Variants in TENM4 observed in about 807,000 individuals in gnomAD.
The protein encoded by TENM4 is teneurin-4.
Under a neutral mutation model 243.3 loss-of-function variants are expected in TENM4, and 82 were observed. That is an observed-to-expected ratio of 0.34 (90% CI 0.28 to 0.40). The LOEUF (loss-of-function observed/expected upper bound fraction) is 0.40, where lower values mean the gene tolerates loss of function less well. Ranked by LOEUF, TENM4 falls within the 10% of genes least tolerant of loss-of-function variation. The probability of loss-of-function intolerance (pLI) is 1.00; values close to 1 mark genes in which losing one functional copy is unlikely to be tolerated. For synonymous variants in TENM4, 1,412 were observed against 1,456.3 expected (o/e 0.97, Z 0.69); for missense variants, 3,138 against 3,673.3 (o/e 0.85, Z 3.77).
rs1441321176 is a variant in TENM4, at chr11:78,722,910, C to A, written c.3558G>T (p.Leu1186=). Residue 1186 remains leucine (L), a synonymous_variant, in exon 24 of 34, where the codon CTG becomes CTT. Coordinates refer to ENST00000278550, the MANE Select transcript of TENM4 (RefSeq NM_001098816.3). ...HHALNIQSGI[L]HKGNGENQFV... is the part of the protein sequence containing the mutation. ...ACTGGTTCTCCCCATTCCCTTTGTG[C>A]AGGATGCCTGGGACAAGGAAAGAAC... 26 of 1,613,520 alleles carry A rather than the reference C, an allele frequency of 1.6e-5. No individual in the cohort carries two copies. Among genetic ancestry groups the A allele is most frequent in the Non-Finnish European group, 2.1e-5 (25 of 1,179,438 alleles).
intron 3 of TENM4, among the ~76,000 whole-genome samples, chr11:79,184,502 C>G (rs1047609353): frequency 1.4e-5 from 2 of 145,192 alleles, no homozygotes; most frequent in African/African-American, 5.2e-5. Context: ...CAGCTAGGTT[C>G]CTAACCACTT....
intron 6 of TENM4, among the ~76,000 whole-genome samples, chr11:78,962,474 G>C (rs1398123081): frequency 6.6e-6 from 1 of 151,044 alleles, no homozygotes; most frequent in Non-Finnish European, 1.5e-5. Context: ...CTCCCAACAC[G>C]GGGCGATCTA....
chr11:78,658,864 A>T (rs761682319), intron 33 of TENM4, 48 bp from the exon 34 acceptor site: 8 of 1,556,698 alleles, frequency 5.1e-6, no homozygotes, highest in South Asian at 1.2e-5. Flanking sequence ...AGGGGAAAAA[A>T]CCCTGAGAAC....
At chr11:79,214,822 C>T (rs776759092) in intron 3 of TENM4, among the ~76,000 whole-genome samples, 1 of 152,208 alleles carries the variant, frequency 6.6e-6, no homozygotes, top group Non-Finnish European at 1.5e-5. Flanking sequence ...AGGTCGTACC[C>T]CTAAAATATG....
chr11:78,715,217 G>C (rs1262340682), intron 25 of TENM4, among the ~76,000 whole-genome samples: 2 of 152,184 alleles, frequency 1.3e-5, no homozygotes, highest in Non-Finnish European at 2.9e-5. Context: ...AAGCTTCCCA[G>C]ATGACATCAA....
intron 28 of TENM4, among the ~76,000 whole-genome samples, chr11:78,701,096 A>G (rs539578453): frequency 2.4e-4 from 36 of 152,350 alleles, no homozygotes; most frequent in African/African-American, 8.2e-4. Context: ...AAGAGCTTCA[A>G]TTATGTGGAA....
chr11:79,262,690 T>G (rs964222063), intron 2 of TENM4, among the ~76,000 whole-genome samples: 1 of 152,148 alleles, frequency 6.6e-6, no homozygotes, highest in Non-Finnish European at 1.5e-5. Context: ...AGAAGCAGCT[T>G]GGTGTATTAG....
At chr11:78,983,005 C>G (rs561320255) in intron 6 of TENM4, among the ~76,000 whole-genome samples, 2 of 152,366 alleles carry the variant, frequency 1.3e-5, no homozygotes, top group Admixed American at 1.3e-4. Context: ...TCCCGAGGCA[C>G]TTGGCACTTT....
intron 14 of TENM4, among the ~76,000 whole-genome samples, chr11:78,808,660 C>T (rs1857437783): frequency 6.6e-6 from 1 of 151,936 alleles, no homozygotes; most frequent in Non-Finnish European, 1.5e-5. Context: ...TACATAAACA[C>T]AAAAAATGTC....
intron 29 of TENM4, among the ~76,000 whole-genome samples, chr11:78,687,187 C>T (rs1792147): frequency 0.18 from 27,076 of 152,026 alleles, 6,405 homozygotes; most frequent in African/African-American, 0.55. Flanking sequence ...CCCCAAATCG[C>T]CCACCCAGAA....
chr11:78,838,981 AT>A (rs1174116536), intron 12 of TENM4, among the ~76,000 whole-genome samples: 1 of 152,132 alleles, frequency 6.6e-6, no homozygotes, highest in African/African-American at 2.4e-5. Flanking sequence ...TTAATTTGTA[AT>A]TCTTCATTTT....
At chr11:79,102,996 A>C (rs1861274401) in intron 4 of TENM4, among the ~76,000 whole-genome samples, 1 of 152,132 alleles carries the variant, frequency 6.6e-6, no homozygotes, top group South Asian at 2.1e-4. Context: ...CCAAGTCTCT[A>C]GTCCCTTTGA....
chr11:79,396,969 C>T (rs1227421941), intron 1 of TENM4, among the ~76,000 whole-genome samples: 2 of 152,206 alleles, frequency 1.3e-5, no homozygotes, highest in East Asian at 3.9e-4. Context: ...CTTTCATTTC[C>T]TCTTTGAGTT....
At chr11:79,086,159 G>A (rs1418536441) in intron 4 of TENM4, among the ~76,000 whole-genome samples, 2 of 152,192 alleles carry the variant, frequency 1.3e-5, no homozygotes, top group African/African-American at 2.4e-5. Context: ...TGGGCCAAGC[G>A]GATATTAGCA....
intron 1 of TENM4, among the ~76,000 whole-genome samples, chr11:79,329,915 G>A (rs916983403): frequency 6.6e-6 from 1 of 152,186 alleles, no homozygotes; most frequent in African/African-American, 2.4e-5. Context: ...CCAGCTGCCT[G>A]GTAAGGAATG....
chr11:78,885,048 A>T lies in TENM4; in HGVS notation c.1084+4737T>A, dbSNP rs147907705. On this transcript the variant is annotated intron_variant, in intron 9 of 33. Coordinates refer to ENST00000278550, the MANE Select transcript of TENM4 (RefSeq NM_001098816.3). Reference sequence around the variant, plus strand: ...AGCCAAATGTGATTTTTACTACTCTATATCACACCTTTTTTGCTAAACATG... The same window carrying T: ...AGCCAAATGTGATTTTTACTACTCTTTATCACACCTTTTTTGCTAAACATG... Among the ~76,000 whole-genome samples the T allele has an allele frequency of 7.7e-3, 1,169 of 152,326 alleles. 15 individuals carry two copies. Among genetic ancestry groups the T allele is most frequent in the African/African-American group, 0.027 (1,108 of 41,574 alleles).
chr11:78,690,939 G>T (rs1175651839), intron 28 of TENM4, among the ~76,000 whole-genome samples: 5 of 152,136 alleles, frequency 3.3e-5, no homozygotes, highest in Admixed American at 6.6e-5. Flanking sequence ...ACATGAAAAA[G>T]ATTTTATTAT....
At chr11:79,359,255 G>A (rs1001857907) in intron 1 of TENM4, among the ~76,000 whole-genome samples, 1 of 152,060 alleles carries the variant, frequency 6.6e-6, no homozygotes, top group African/African-American at 2.4e-5. Flanking sequence ...GATAGACTAA[G>A]GCACTAAAAA....
intron 1 of TENM4, among the ~76,000 whole-genome samples, chr11:79,411,050 C>T (rs751445219): frequency 3.3e-5 from 5 of 152,208 alleles, no homozygotes; most frequent in Non-Finnish European, 7.3e-5. Context: ...GTACTTTCTG[C>T]TTCCATGTGG....
Sources: gnomAD v4.1 joint callset for allele counts (sites outside exome capture counted in the v4.1 genomes callset) on GRCh38, gnomAD v4.1.1 for gene constraint, MANE v1.5 for transcripts, NCBI Gene and HGNC (gene_info 2026-07-23, HGNC 2026-07-21) for gene names.